Variants in CSMD1 observed in about 807,000 individuals in gnomAD.
CSMD1 encodes CUB and Sushi multiple domains 1.
Under a neutral mutation model 417.5 loss-of-function variants are expected in CSMD1, and 213 were observed. That is an observed-to-expected ratio of 0.51 (90% CI 0.46 to 0.57). CSMD1 has a LOEUF of 0.57. Among genes scored for constraint, CSMD1 ranks in the 20% least tolerant of loss-of-function variants. The pLI, the probability that CSMD1 is intolerant of heterozygous loss-of-function variation, is 0.00. For synonymous variants in CSMD1, 2,862 were observed against 1,736.8 expected (o/e 1.65, Z -16.11); for missense variants, 6,923 against 4,529.7 (o/e 1.53, Z -15.17).
At position 3,359,137 on chromosome 8, in the gene CSMD1, C is replaced by A. The variant is rs373161375; in HGVS notation, c.3304+15G>T. ...CCCCCATGGATGAATGAAATGAAAG[C>A]GTGTGACCACCTACCCACACACCTT... is the stretch of plus-strand genomic sequence containing the variant. On this transcript the variant is annotated intron_variant, in intron 21 of 69. Coordinates refer to ENST00000635120, the MANE Select transcript of CSMD1 (RefSeq NM_033225.6). 1 of 1,612,616 alleles carries A rather than the reference C, an allele frequency of 6.2e-7. No homozygotes were observed. Among genetic ancestry groups the A allele is most frequent in the Admixed American group, 1.7e-5 (1 of 59,994 alleles).
rs1213467208 is a variant in CSMD1, at chr8:2,942,515, C to A, written c.10492G>T (p.Ala3498Ser). The change falls in exon 69 of 70, where the codon GCT (alanine) becomes TCT (serine). Residue 3498 changes from alanine to serine, a missense_variant. By Grantham distance (99) the Ala-to-Ser change is moderately conservative (BLOSUM62 1). Coordinates refer to ENST00000635120, the MANE Select transcript of CSMD1 (RefSeq NM_033225.6). The part of the protein sequence containing the change: ...VAAAILVPFF[A>S]LILSGFAFYL... ...AATGCAAACCCTGATAAAATTAGAG[C>A]AAAGAAAGGAACCAGAATGGCAGCC... 2 of 1,612,086 alleles carry A rather than the reference C, an allele frequency of 1.2e-6. No individual in the cohort carries two copies. Among genetic ancestry groups the A allele is most frequent in the East Asian group, 2.2e-5 (1 of 44,814 alleles).
At position 4,665,764 on chromosome 8, in the gene CSMD1, TTAA is replaced by T. The variant is rs538700562; in HGVS notation, c.86-28209_86-28207del. On this transcript the variant is annotated intron_variant, in intron 1 of 69. Coordinates refer to ENST00000635120, the MANE Select transcript of CSMD1 (RefSeq NM_033225.6). ...AAACAATGTGGTTACCATTTGCATA[TTAA>T]TATTTGTGTTTGTTTTCCATTTATT... Among the ~76,000 whole-genome samples, 4 of 152,348 alleles carry T rather than the reference TTAA, an allele frequency of 2.6e-5. No individual in the cohort carries two copies. The South Asian group carries it at 8.3e-4, about 32-fold the overall frequency.
At chr8:4,582,156 A>T (rs1326055502) in intron 2 of CSMD1, among the ~76,000 whole-genome samples, 5 of 151,832 alleles carry the variant, frequency 3.3e-5, no homozygotes. Context: ...CTTCCCTGGC[A>T]TGTCTGTAGT....
At chr8:4,131,756 CTTTT>C (rs10650865) in intron 3 of CSMD1, among the ~76,000 whole-genome samples, 28 of 87,434 alleles carry the variant, frequency 3.2e-4, no homozygotes, top group African/African-American at 9.6e-4. Flanking sequence ...ACAAATGTGA[CTTTT>C]TTTTTTTTTT....
chr8:3,748,985 G>A (rs973198480), intron 6 of CSMD1, among the ~76,000 whole-genome samples: 1 of 152,156 alleles, frequency 6.6e-6, no homozygotes, highest in Non-Finnish European at 1.5e-5. Flanking sequence ...AAATCAATGG[G>A]AATTTCATTT....
chr8:3,327,648 G>A (rs545288443), intron 23 of CSMD1, among the ~76,000 whole-genome samples: 1 of 152,126 alleles, frequency 6.6e-6, no homozygotes, highest in Non-Finnish European at 1.5e-5. Flanking sequence ...GTTTGAGGTA[G>A]ACCACTCATT....
intron 5 of CSMD1, among the ~76,000 whole-genome samples, chr8:3,898,465 G>A (rs1807512003): frequency 6.6e-6 from 1 of 152,168 alleles, no homozygotes; most frequent in Admixed American, 6.5e-5. Context: ...ATAATATTAT[G>A]GATGTCGCAT....
chr8:3,712,881 G>T (rs2129041682), intron 6 of CSMD1, among the ~76,000 whole-genome samples: 1 of 152,208 alleles, frequency 6.6e-6, no homozygotes, highest in South Asian at 2.1e-4. Flanking sequence ...GTCAAAAGAT[G>T]GACAATTTCA....
chr8:3,958,161 G>A (rs1389193166), intron 5 of CSMD1, among the ~76,000 whole-genome samples: 1 of 152,010 alleles, frequency 6.6e-6, no homozygotes, highest in Non-Finnish European at 1.5e-5. Flanking sequence ...TGTCCTTCTG[G>A]CAAGCAAATG....
At chr8:4,453,882 C>T (rs1227182946) in intron 2 of CSMD1, among the ~76,000 whole-genome samples, 1 of 129,838 alleles carries the variant, frequency 7.7e-6, no homozygotes, top group African/African-American at 2.9e-5. Flanking sequence ...AGTGCACTGG[C>T]GCGACCTCGG....
chr8:4,563,332 T>C lies in CSMD1; in HGVS notation c.302+74010A>G, dbSNP rs929743332. 1.2e-4 allele frequency among the ~76,000 whole-genome samples: 18 copies of C among 152,242 alleles called. No homozygotes were observed. The East Asian group carries it at 1.7e-3, about 15-fold the overall frequency. ...AGGAGAATGGCGTGAACCCAGGAGA[T>C]AGAGCTTTCAGTGAGCTCAGATCGT... On this transcript the variant is annotated intron_variant, in intron 2 of 69. Coordinates refer to ENST00000635120, the MANE Select transcript of CSMD1 (RefSeq NM_033225.6).
intron 2 of CSMD1, among the ~76,000 whole-genome samples, chr8:4,447,056 G>C (rs931113821): frequency 1.3e-5 from 2 of 152,124 alleles, no homozygotes; most frequent in Middle Eastern, 3.2e-3. Flanking sequence ...CCTGTGTCAG[G>C]TCTGCGAGCC....
chr8:4,230,609 A>G lies in CSMD1; in HGVS notation c.415+189344T>C, dbSNP rs76831997. ...TAATGTTCATGGCTGTTATGTATCA[A>G]GATGTTTTTAAACCCCCAAATTTGT... On this transcript the variant is annotated intron_variant, in intron 3 of 69. Transcript: ENST00000635120. Among the ~76,000 whole-genome samples the G allele has an allele frequency of 3.8e-3, 576 of 152,306 alleles. 7 individuals carry two copies. The highest frequency in any genetic ancestry group is 0.013 in the African/African-American group (544 of 41,582).
intron 2 of CSMD1, among the ~76,000 whole-genome samples, chr8:4,572,967 C>T (rs1798958892): frequency 6.6e-6 from 1 of 152,162 alleles, no homozygotes; most frequent in African/African-American, 2.4e-5. Flanking sequence ...TCAGCTCCAT[C>T]AGGTCATTTA....
At chr8:3,560,518 A>C (rs1468229032) in intron 10 of CSMD1, among the ~76,000 whole-genome samples, 2 of 152,198 alleles carry the variant, frequency 1.3e-5, no homozygotes, top group Non-Finnish European at 2.9e-5. Flanking sequence ...CTAGACCTTG[A>C]AAGCATGTAT....
chr8:4,161,439 T>C lies in CSMD1; in HGVS notation c.416-129340A>G, dbSNP rs116417951. On this transcript the variant is annotated intron_variant, in intron 3 of 69. Transcript: ENST00000635120. ...CTCCTTAATTTTTTAGAAGAGAAAA[T>C]TGAAACTGGAATAAGTTGAATGGCT... Among the ~76,000 whole-genome samples, 256 of 152,260 alleles carry C rather than the reference T, an allele frequency of 1.7e-3. 3 individuals carry two copies. The highest frequency in any genetic ancestry group is 5.8e-3 in the African/African-American group (242 of 41,538).
At chr8:2,947,163 TTG>T (rs1312722299) in intron 68 of CSMD1, among the ~76,000 whole-genome samples, 1 of 152,210 alleles carries the variant, frequency 6.6e-6, no homozygotes, top group African/African-American at 2.4e-5. Flanking sequence ...CTCTCATTCT[TTG>T]TGTGTATGTT....
At chr8:2,962,737 A>G in intron 60 of CSMD1, 98 bp from the exon 61 acceptor site, 1 of 1,275,038 alleles carries the variant, frequency 7.8e-7, no homozygotes, top group Non-Finnish European at 1.1e-6. Context: ...CTTTAGCTTT[A>G]ACTATTAAAC....
chr8:3,780,359 C>T (rs766224983), intron 5 of CSMD1, among the ~76,000 whole-genome samples: 3 of 152,156 alleles, frequency 2.0e-5, no homozygotes, highest in Non-Finnish European at 4.4e-5. Flanking sequence ...GGAAGCATTG[C>T]AAACAATCAA....
Sources: gnomAD v4.1 joint callset for allele counts (sites outside exome capture counted in the v4.1 genomes callset) on GRCh38, gnomAD v4.1.1 for gene constraint, MANE v1.5 for transcripts, NCBI Gene and HGNC (gene_info 2026-07-23, HGNC 2026-07-21) for gene names.